The following SASH1 variants were observed in gnomAD, a reference collection of about 807,000 sequenced individuals.
SASH1 encodes the protein SAM and SH3 domain containing 1.
Under a neutral mutation model 125.2 loss-of-function variants are expected in SASH1, and 44 were observed. The ratio of observed to expected loss-of-function variants is 0.35; its 90% CI spans 0.28 to 0.45. The LOEUF is 0.45. Ranked by LOEUF, SASH1 falls within the 20% of genes least tolerant of loss-of-function variation. The pLI is 1.00. For missense variants in SASH1, 1,426 were observed against 1,614.5 expected, an observed-to-expected ratio of 0.88 and a Z score of 2.00; for synonymous variants, 639 against 649.1, an observed-to-expected ratio of 0.98 and a Z score of 0.24.
chr6:148,532,003 A>G lies in SASH1; in HGVS notation c.1564+342A>G, dbSNP rs1187125128. 6.6e-6 allele frequency among the ~76,000 whole-genome samples: 1 copy of G among 152,200 alleles called. No homozygotes were observed. Among genetic ancestry groups the G allele is most frequent in the Non-Finnish European group, 1.5e-5 (1 of 68,018 alleles). ...GGAGTGGGGAAGGGAGGGGAATTTT[A>G]TATGTGACTGATAAATTCGGGCCAA... On this transcript the variant is annotated intron_variant, in intron 13 of 19. Transcript: ENST00000367467. This position sits in a 1 kb window ranked among gnomAD's most constrained non-coding sequence, Gnocchi z 4.7.
At chr6:148,525,856 G>A (rs995578235) in intron 11 of SASH1, among the ~76,000 whole-genome samples, 3 of 151,976 alleles carry the variant, frequency 2.0e-5, no homozygotes, top group Non-Finnish European at 4.4e-5. Flanking sequence ...GTGGTCTGGG[G>A]TGTCCTGGAA....
At chr6:148,357,416 A>G (rs561148767) in intron 1 of SASH1, among the ~76,000 whole-genome samples, 1 of 152,282 alleles carries the variant, frequency 6.6e-6, no homozygotes, top group South Asian at 2.1e-4. Context: ...ACACTGCCCC[A>G]CAGGGTGGAC....
In SASH1 at chr6:148,543,828, G is replaced by T. The variant is rs764830830; in HGVS notation, c.2358G>T (p.Arg786Ser). Residue 786 changes from arginine to serine, a missense_variant, in exon 18 of 20, where the codon AGG becomes AGT. This residue lies in a region of SASH1 where 634 missense variants were observed against 694.4 expected (regional missense o/e 0.91). Coordinates refer to ENST00000367467, the MANE Select transcript of SASH1 (RefSeq NM_015278.5). ...DALKQGQEEG[R>S]LGGGLAPDTS... ...TGAAGCAGGGACAGGAGGAGGGCAG[G>T]CTGGGTGGTGGCCTTGCCCCAGACA... 3 of 1,614,182 alleles carry T rather than the reference G, an allele frequency of 1.9e-6. No individual in the cohort carries two copies. The South Asian group carries it at 3.3e-5, about 18-fold the overall frequency.
intron 4 of SASH1, among the ~76,000 whole-genome samples, chr6:148,457,447 A>G (rs959182978): frequency 1.3e-5 from 2 of 152,204 alleles, no homozygotes; most frequent in Non-Finnish European, 2.9e-5. Flanking sequence ...GGGTGTCGGA[A>G]GAGCTGAGTT....
chr6:148,362,209 G>A (rs901173665), intron 1 of SASH1, among the ~76,000 whole-genome samples: 44 of 148,694 alleles, frequency 3.0e-4, no homozygotes, highest in African/African-American at 1.1e-3. Context: ...TTACAGGCGT[G>A]AGCCACCGTG....
At chr6:148,328,462 G>A (rs1321981124) in intron 1 of SASH1, among the ~76,000 whole-genome samples, 3 of 151,876 alleles carry the variant, frequency 2.0e-5, no homozygotes, top group Admixed American at 1.3e-4. Flanking sequence ...GCGCAGTGGT[G>A]GGCACCTGTA....
chr6:148,510,784 G>T (rs999965964), intron 8 of SASH1, among the ~76,000 whole-genome samples: 3 of 151,872 alleles, frequency 2.0e-5, no homozygotes, highest in Non-Finnish European at 2.9e-5. Flanking sequence ...TTACCTGAGA[G>T]TCAGGAGTTC....
At chr6:148,466,565 C>A (rs6570851) in intron 4 of SASH1, among the ~76,000 whole-genome samples, 20,042 of 152,108 alleles carry the variant, frequency 0.13, 2,063 homozygotes, top group African/African-American at 0.28. Flanking sequence ...ATATTCAATT[C>A]TTCTTCCTCT....
At chr6:148,395,463 C>G (rs1442807082) in intron 2 of SASH1, among the ~76,000 whole-genome samples, 1 of 152,140 alleles carries the variant, frequency 6.6e-6, no homozygotes, top group African/African-American at 2.4e-5. Flanking sequence ...CGGATCCTGA[C>G]TGGAATAATG....
At chr6:148,284,298 G>A (rs929071032) in intron 1 of SASH1, among the ~76,000 whole-genome samples, 1 of 152,080 alleles carries the variant, frequency 6.6e-6, no homozygotes, top group South Asian at 2.1e-4. Flanking sequence ...AACTAGCCAG[G>A]CGTGGTGGCA....
intron 12 of SASH1, among the ~76,000 whole-genome samples, chr6:148,527,988 TGG>T (rs373045911): frequency 4.3e-4 from 50 of 115,224 alleles, no homozygotes; most frequent in East Asian, 1.1e-3. Flanking sequence ...TTTTTTTTTT[TGG>T]GGGGGGGGGT....
chr6:148,354,781 G>A (rs539626521), intron 1 of SASH1, among the ~76,000 whole-genome samples: 3 of 152,100 alleles, frequency 2.0e-5, no homozygotes, highest in East Asian at 1.9e-4. Flanking sequence ...ATTTTCCCGC[G>A]AGATGGAGTC....
the SASH1 span, among the ~76,000 whole-genome samples, chr6:148,261,892 G>C: frequency 3.3e-5 from 5 of 152,152 alleles, no homozygotes; most frequent in Non-Finnish European, 1.5e-5. Flanking sequence ...TAGGCAGAAA[G>C]GAAATGGAAA....
At chr6:148,540,584 C>A (rs370346094) in intron 17 of SASH1, 28 bp downstream of exon 17, 16 of 1,535,282 alleles carry the variant, frequency 1.0e-5, no homozygotes, top group Non-Finnish European at 1.3e-5. Context: ...CGCTGGGAAC[C>A]TGCTTTGACA....
chr6:148,548,079 C>T (rs1782664691), intron 19 of SASH1, among the ~76,000 whole-genome samples: 1 of 152,204 alleles, frequency 6.6e-6, no homozygotes, highest in African/African-American at 2.4e-5. Flanking sequence ...CATTCCAACA[C>T]CTTCGAGAAC....
intron 1 of SASH1, among the ~76,000 whole-genome samples, chr6:148,298,832 G>A (rs1431769352): frequency 7.4e-6 from 1 of 134,678 alleles, no homozygotes; most frequent in Non-Finnish European, 1.6e-5. Context: ...GGGAAGAAAG[G>A]AAGGAAGGAA....
rs548327355 is a variant in SASH1, at chr6:148,484,554, GT to G, written c.628-3049del. Among the ~76,000 whole-genome samples the G allele has an allele frequency of 7.6e-3, 1,105 of 144,896 alleles. 2 individuals carry two copies. Among genetic ancestry groups the G allele is most frequent in the South Asian group, 0.027 (122 of 4,550 alleles). ...TGTAATAACCTGTGTAATTACATGG[GT>G]TTTTTTTTTTCCTGTGCAGTGCACT... On this transcript the variant is annotated intron_variant, in intron 7 of 19. Transcript: ENST00000367467.
chr6:148,476,696 GGAA>G (rs1342928256), intron 7 of SASH1, among the ~76,000 whole-genome samples: 3 of 151,926 alleles, frequency 2.0e-5, no homozygotes, highest in Non-Finnish European at 4.4e-5. Context: ...CCCAAAAAAA[GGAA>G]GAAGAAAAAA....
intron 1 of SASH1, among the ~76,000 whole-genome samples, chr6:148,337,546 G>C (rs1333622660): frequency 6.6e-6 from 1 of 151,808 alleles, no homozygotes; most frequent in African/African-American, 2.4e-5. Context: ...ATTTTTTATA[G>C]AGACGAGGTT....
Sources: allele counts gnomAD v4.1 joint callset (sites outside exome capture counted in the v4.1 genomes callset), GRCh38; gene constraint gnomAD v4.1.1; regional missense constraint gnomAD v4.1.1; non-coding constraint Gnocchi (gnomAD v3.1); transcripts MANE v1.5; gene names NCBI Gene and HGNC (gene_info 2026-07-23, HGNC 2026-07-21).